The following SHANK2 variants were observed in gnomAD, a reference collection of about 807,000 sequenced individuals.
SHANK2 encodes the protein SH3 and multiple ankyrin repeat domains protein 2.
Under a neutral mutation model 133.7 loss-of-function variants are expected in SHANK2, and 43 were observed. The observed-to-expected ratio is 0.32, with a 90% CI of 0.25 to 0.41. SHANK2 has a LOEUF of 0.41. SHANK2 is among the 10% of genes least tolerant of loss of function. The pLI, the probability that SHANK2 is intolerant of heterozygous loss-of-function variation, is 1.00. For synonymous variants in SHANK2, 1,017 were observed against 952.8 expected (o/e 1.07, Z -1.24); for missense variants, 1,994 against 2,235.8 (o/e 0.89, Z 2.18).
chr11:70,744,909 C>T (rs770326171), intron 14 of SHANK2, among the ~76,000 whole-genome samples: 10 of 152,198 alleles, frequency 6.6e-5, no homozygotes, highest in Admixed American at 2.0e-4. Flanking sequence ...GTCCAGGTAG[C>T]CACTTCCCCC....
chr11:71,103,440 C>G (rs1337245592), intron 6 of SHANK2, among the ~76,000 whole-genome samples: 1 of 152,194 alleles, frequency 6.6e-6, no homozygotes, highest in African/African-American at 2.4e-5. Flanking sequence ...CCGGGAAAAC[C>G]GGATACACTG....
intron 15 of SHANK2, among the ~76,000 whole-genome samples, chr11:70,683,314 C>T (rs1306658726): frequency 1.3e-5 from 2 of 152,084 alleles, no homozygotes; most frequent in African/African-American, 4.8e-5. Context: ...CTGTCTCTGG[C>T]CAGCTCTCAC....
chr11:71,236,423 C>A (rs1954826882), intron 1 of SHANK2, among the ~76,000 whole-genome samples: 1 of 152,166 alleles, frequency 6.6e-6, no homozygotes, highest in East Asian at 1.9e-4. Context: ...ACCAGCCTGG[C>A]CAACATGGTG....
chr11:71,157,105 T>TA (rs1356147783), intron 2 of SHANK2, among the ~76,000 whole-genome samples: 2 of 152,216 alleles, frequency 1.3e-5, no homozygotes, highest in East Asian at 1.9e-4. Flanking sequence ...CCCTAGAACT[T>TA]AAAGTATAAT....
chr11:71,073,147 CTTTTTTTTCTTTTTTTTCTTTTTTTT>C (rs1171282098), intron 9 of SHANK2, among the ~76,000 whole-genome samples: 2 of 62,716 alleles, frequency 3.2e-5, no homozygotes, highest in Non-Finnish European at 7.8e-5. Context: ...TTTTTCTTTT[CTTTTTTTTCTTTTTTTTCTTTTTTTT>C]TTTGAGATAG....
chr11:70,807,714 G>A lies in SHANK2; in HGVS notation c.1494-543C>T, dbSNP rs1010925287. ...GTGTGGTGGTGAGCACCTGTAATCC[G>A]GGCTACTGGAGAGGCTGAGGCAGGA... On this transcript the variant is annotated intron_variant, in intron 12 of 25. Coordinates refer to ENST00000601538, the MANE Select transcript of SHANK2 (RefSeq NM_012309.5). This position sits in a 1 kb window ranked among gnomAD's most constrained non-coding sequence, Gnocchi z 4.8. Among the ~76,000 whole-genome samples, 11 of 152,208 alleles carry A rather than the reference G, an allele frequency of 7.2e-5. No individual in the cohort carries two copies. The highest frequency in any genetic ancestry group is 1.9e-4 in the East Asian group (1 of 5,176).
At chr11:70,556,389 TTCTTTCTCTCTCTCTCTC>T (rs1235270309) in intron 17 of SHANK2, among the ~76,000 whole-genome samples, 3 of 136,166 alleles carry the variant, frequency 2.2e-5, no homozygotes, top group Admixed American at 1.5e-4. Flanking sequence ...GTCTCTTTCT[TTCTTTCTCTCTCTCTCTC>T]TCTCTCTCTC....
intron 3 of SHANK2, among the ~76,000 whole-genome samples, chr11:71,142,762 C>A (rs1555106015): frequency 6.6e-6 from 1 of 151,302 alleles, no homozygotes; most frequent in Non-Finnish European, 1.5e-5. Context: ...TGCCCAACAC[C>A]AAACACTTCC....
chr11:70,545,218 C>T (rs2059675625), intron 17 of SHANK2, among the ~76,000 whole-genome samples: 1 of 152,250 alleles, frequency 6.6e-6, no homozygotes, highest in South Asian at 2.1e-4. Context: ...GTCTGAGCTC[C>T]TAATCCGGCT....
chr11:70,555,173 C>T (rs1358930611), intron 17 of SHANK2, among the ~76,000 whole-genome samples: 4 of 152,086 alleles, frequency 2.6e-5, no homozygotes, highest in African/African-American at 7.2e-5. Flanking sequence ...ACTGCTCCAC[C>T]GACTGTCCAC....
intron 2 of SHANK2, among the ~76,000 whole-genome samples, chr11:71,156,506 C>A (rs1181640664): frequency 6.6e-6 from 1 of 152,168 alleles, no homozygotes; most frequent in African/African-American, 2.4e-5. Flanking sequence ...TACCCCAGGT[C>A]AGAACCAACT....
chr11:70,581,245 T>C (rs1554985390), intron 17 of SHANK2, among the ~76,000 whole-genome samples: 1 of 152,232 alleles, frequency 6.6e-6, no homozygotes, highest in Admixed American at 6.5e-5. Context: ...TGACTGGCTG[T>C]TCCAGTACCT....
chr11:70,906,322 G>A (rs1950103833), intron 10 of SHANK2, among the ~76,000 whole-genome samples: 1 of 152,184 alleles, frequency 6.6e-6, no homozygotes, highest in Non-Finnish European at 1.5e-5. Flanking sequence ...GCTCTCAGGT[G>A]GCCAGGGCCC....
chr11:70,793,329 T>A (rs1401550075), intron 14 of SHANK2, among the ~76,000 whole-genome samples: 1 of 152,130 alleles, frequency 6.6e-6, no homozygotes, highest in African/African-American at 2.4e-5. Flanking sequence ...TTGAGGTGGA[T>A]TTTGGTATAT....
At chr11:70,687,837 G>A (rs1015389484) in intron 15 of SHANK2, among the ~76,000 whole-genome samples, 8 of 152,206 alleles carry the variant, frequency 5.3e-5, no homozygotes, top group East Asian at 1.9e-4. Context: ...GCCTGAAGGT[G>A]CTGAATCCCA....
At chr11:71,202,051 G>GGT (rs1954030135) in intron 2 of SHANK2, among the ~76,000 whole-genome samples, 1 of 152,218 alleles carries the variant, frequency 6.6e-6, no homozygotes. Context: ...GTGGAGGAGG[G>GGT]GTGTGCCCAC....
At chr11:71,073,066 C>G (rs1290348767) in intron 9 of SHANK2, among the ~76,000 whole-genome samples, 3 of 150,764 alleles carry the variant, frequency 2.0e-5, no homozygotes, top group Admixed American at 2.0e-4. Context: ...TATTTTACCA[C>G]TTAATGAAAA....
At chr11:70,475,899 C>T (rs1174164680) in intron 25 of SHANK2, among the ~76,000 whole-genome samples, 3 of 152,156 alleles carry the variant, frequency 2.0e-5, no homozygotes, top group Non-Finnish European at 4.4e-5. Flanking sequence ...AGGATTCCTC[C>T]ACTGTTTCTG....
intron 2 of SHANK2, among the ~76,000 whole-genome samples, chr11:71,205,265 C>G (rs969584107): frequency 1.3e-5 from 2 of 152,230 alleles, no homozygotes; most frequent in Non-Finnish European, 2.9e-5. Flanking sequence ...CACCCCGCAT[C>G]CAGCCCACAT....
Sources: allele counts gnomAD v4.1 joint callset (sites outside exome capture counted in the v4.1 genomes callset), GRCh38; gene constraint gnomAD v4.1.1; non-coding constraint Gnocchi (gnomAD v3.1); transcripts MANE v1.5; gene names NCBI Gene and HGNC (gene_info 2026-07-23, HGNC 2026-07-21).